Variants in RAB3IP observed in about 807,000 individuals in gnomAD.
RAB3IP encodes the protein RAB3A interacting protein.
Under a neutral mutation model 59.1 loss-of-function variants are expected in RAB3IP, and 36 were observed. The ratio of observed to expected loss-of-function variants is 0.61; its 90% confidence interval spans 0.47 to 0.80. The LOEUF (loss-of-function observed/expected upper bound fraction) is 0.80. RAB3IP is among the 30% of genes least tolerant of loss of function. The pLI is 0.00. For synonymous variants in RAB3IP, 207 were observed against 191.2 expected, an observed-to-expected ratio of 1.08 and a Z score of -0.68; for missense variants, 511 against 536.0, an observed-to-expected ratio of 0.95 and a Z score of 0.46.
rs910796484 is a variant in RAB3IP at position 69,818,910 on chromosome 12, A to G, written c.*3464A>G. On this transcript the variant is annotated 3_prime_UTR_variant, in exon 11 of 11. Transcript: ENST00000247833. Reference sequence around the variant, plus strand: ...TGGGTTTTGGGGTGGTTCATTTGTCATTAAAAGTAAGTACATGAGCTGGGT... The same window carrying G: ...TGGGTTTTGGGGTGGTTCATTTGTCGTTAAAAGTAAGTACATGAGCTGGGT... 1.3e-5 allele frequency: 2 copies of G among 152,160 alleles called. No homozygotes were observed. The highest frequency in any genetic ancestry group is 2.9e-5 in the Non-Finnish European group (2 of 68,038). 9.4% of individuals were successfully genotyped at this position (152,160 alleles called of 1,614,324 possible).
chr12:69,809,038 C>T lies in RAB3IP; in HGVS notation c.1131-3740C>T, dbSNP rs878948971. On this transcript the variant is annotated intron_variant, in intron 8 of 10. Transcript: ENST00000247833. ...GGCATGTTTTTGCAGTGGCTGGTAC[C>T]GGTTGTTCCTTTCCATGTTTAGTGC... Among the ~76,000 whole-genome samples the T allele has an allele frequency of 4.9e-3, 732 of 150,380 alleles. 6 individuals are homozygous for T. The highest frequency in any genetic ancestry group is 0.016 in the African/African-American group (652 of 40,990).
rs898108594 is a variant in RAB3IP, at chr12:69,816,447, A to C, written c.*1001A>C. 2.0e-5 allele frequency: 3 copies of C among 152,098 alleles called. No homozygotes were observed. The highest frequency in any genetic ancestry group is 7.2e-5 in the African/African-American group (3 of 41,388). 9.4% of individuals were successfully genotyped at this position (152,098 alleles called of 1,614,324 possible). A position where few individuals can be genotyped will look rare whatever the true frequency, so the allele number is the denominator to read the frequency against. The stretch of plus-strand genomic sequence containing the variant: ...TTCTACTTACATATGCATATTTTTG[A>C]AACAAAAAGTAGGCTTTTTTTTTGC... On this transcript the variant is annotated 3_prime_UTR_variant, in exon 11 of 11. Transcript: ENST00000247833.
chr12:69,761,218 G>A (rs1871259864), intron 3 of RAB3IP, among the ~76,000 whole-genome samples: 1 of 152,096 alleles, frequency 6.6e-6, no homozygotes, highest in Non-Finnish European at 1.5e-5. Context: ...ACTAGACATT[G>A]TAGTTTTCAT....
intron 3 of RAB3IP, among the ~76,000 whole-genome samples, chr12:69,782,364 C>T (rs1874884829): frequency 2.0e-5 from 3 of 152,148 alleles, no homozygotes; most frequent in Admixed American, 6.5e-5. Context: ...GGGGTTTCAC[C>T]ATGTTGATCA....
intron 8 of RAB3IP, among the ~76,000 whole-genome samples, chr12:69,805,052 T>TG (rs1879029658): frequency 6.6e-6 from 1 of 152,236 alleles, no homozygotes; most frequent in Non-Finnish European, 1.5e-5. Context: ...GGTAGCTTGA[T>TG]GGGGATGGCA....
At chr12:69,795,788 TTAGA>T (rs1366687230) in intron 6 of RAB3IP, 6 of 185,890 alleles carry the variant, frequency 3.2e-5, no homozygotes, top group Non-Finnish European at 5.5e-5. Context: ...TAGAGTTAAT[TTAGA>T]TAATTAAGCA....
intron 3 of RAB3IP, among the ~76,000 whole-genome samples, chr12:69,767,427 A>T (rs964044347): frequency 3.3e-5 from 5 of 152,074 alleles, no homozygotes; most frequent in African/African-American, 1.2e-4. Flanking sequence ...CTCCAGGGGG[A>T]TGGGGCCATG....
At chr12:69,800,788 T>C (rs1287009873) in intron 7 of RAB3IP, among the ~76,000 whole-genome samples, 1 of 152,134 alleles carries the variant, frequency 6.6e-6, no homozygotes, top group Non-Finnish European at 1.5e-5. Flanking sequence ...ATGAAGTGGA[T>C]TAAGTAGATG....
intron 4 of RAB3IP, among the ~76,000 whole-genome samples, chr12:69,794,060 C>T (rs1188247298): frequency 6.6e-6 from 1 of 152,120 alleles, no homozygotes; most frequent in Non-Finnish European, 1.5e-5. Context: ...CTTGTCCCTC[C>T]TGTATGTCTT....
Position 69,820,858 on chromosome 12 carries a change from G to GAGA in RAB3IP, c.*5413_*5414insGAA, listed in dbSNP as rs1555233307. 16 of 95,026 alleles carry GAGA rather than the reference G, an allele frequency of 1.7e-4. No homozygotes were observed. The highest frequency in any genetic ancestry group is 2.3e-4 in the Non-Finnish European group (12 of 51,270). 5.9% of individuals were successfully genotyped at this position (95,026 alleles called of 1,614,324 possible). A position where few individuals can be genotyped will look rare whatever the true frequency, so the allele number is the denominator to read the frequency against. ...GGGCAACAAGAGTGAAACTCCGTCT[G>GAGA]AAAAAAAAAAAAAAAAACCCAAACT... On this transcript the variant is annotated 3_prime_UTR_variant, in exon 11 of 11. Coordinates refer to ENST00000247833, the MANE Select transcript of RAB3IP (RefSeq NM_022456.5).
chr12:69,779,545 T>C (rs2136190795), intron 3 of RAB3IP, among the ~76,000 whole-genome samples: 1 of 118,554 alleles, frequency 8.4e-6, no homozygotes, highest in East Asian at 2.0e-4. Flanking sequence ...CTCTTTAGTC[T>C]TTTTTTTTTT....
chr12:69,769,055 G>C (rs150890346), intron 3 of RAB3IP, among the ~76,000 whole-genome samples: 23 of 151,946 alleles, frequency 1.5e-4, no homozygotes, highest in African/African-American at 4.8e-4. Flanking sequence ...ATGGTTTTAT[G>C]GGGGGTAGTT....
intron 4 of RAB3IP, among the ~76,000 whole-genome samples, chr12:69,788,607 T>G (rs1876104965): frequency 6.6e-6 from 1 of 152,116 alleles, no homozygotes; most frequent in African/African-American, 2.4e-5. Flanking sequence ...ACATTAATAA[T>G]AGGTGACTTC....
chr12:69,751,887 T>C (rs1431206950), intron 1 of RAB3IP, among the ~76,000 whole-genome samples: 1 of 152,108 alleles, frequency 6.6e-6, no homozygotes, highest in African/African-American at 2.4e-5. Context: ...GGTTCCAAGC[T>C]CAGAATCAAA....
intron 3 of RAB3IP, among the ~76,000 whole-genome samples, chr12:69,767,487 C>T (rs1592503089): frequency 6.6e-6 from 1 of 152,356 alleles, no homozygotes; most frequent in East Asian, 1.9e-4. Flanking sequence ...TCATGGCAAG[C>T]ACAAACACCA....
At chr12:69,757,059 G>A (rs546361050) in intron 3 of RAB3IP, among the ~76,000 whole-genome samples, 1 of 152,300 alleles carries the variant, frequency 6.6e-6, no homozygotes, top group South Asian at 2.1e-4. Flanking sequence ...TTTAAGCTGA[G>A]TTTGAATATT....
intron 3 of RAB3IP, among the ~76,000 whole-genome samples, chr12:69,772,445 T>C (rs763230367): frequency 2.8e-4 from 43 of 152,308 alleles, no homozygotes; most frequent in African/African-American, 9.1e-4. Flanking sequence ...TACTGCAATT[T>C]TGGTACTTCT....
chr12:69,769,818 CAACT>C (rs1479602715), intron 3 of RAB3IP, among the ~76,000 whole-genome samples: 1 of 152,052 alleles, frequency 6.6e-6, no homozygotes, highest in African/African-American at 2.4e-5. Flanking sequence ...ACATTTTTTT[CAACT>C]AACATCTCTG....
chr12:69,783,825 C>T (rs946368847), intron 3 of RAB3IP, among the ~76,000 whole-genome samples: 1 of 152,122 alleles, frequency 6.6e-6, no homozygotes, highest in African/African-American at 2.4e-5. Flanking sequence ...AGCAGTTTAT[C>T]CACATTCTCT....
Sources: allele counts gnomAD v4.1 joint callset (sites outside exome capture counted in the v4.1 genomes callset), GRCh38; gene constraint gnomAD v4.1.1; transcripts MANE v1.5; gene names NCBI Gene and HGNC (gene_info 2026-07-23, HGNC 2026-07-21).